DENND1B: variants seen among roughly 807,000 people sequenced by gnomAD.
The protein encoded by DENND1B is DENN domain containing 1B.
Under a neutral mutation model 90.1 loss-of-function variants are expected in DENND1B, and 59 were observed. The ratio of observed to expected loss-of-function variants is 0.65; its 90% CI spans 0.53 to 0.81. The LOEUF is 0.81. DENND1B is among the 40% of genes least tolerant of loss of function. DENND1B has a pLI of 0.00. For synonymous variants in DENND1B, 337 were observed against 324.6 expected, an observed-to-expected ratio of 1.04 and a Z score of -0.41; for missense variants, 862 against 912.6, an observed-to-expected ratio of 0.94 and a Z score of 0.71.
At chr1:197,614,448 T>G (rs1297453427) in intron 11 of DENND1B, among the ~76,000 whole-genome samples, 1 of 151,058 alleles carries the variant, frequency 6.6e-6, no homozygotes. Context: ...TTTGCAAACC[T>G]AGCCTTAAAT....
At chr1:197,571,176 C>A (rs955021079) in intron 15 of DENND1B, among the ~76,000 whole-genome samples, 2 of 152,220 alleles carry the variant, frequency 1.3e-5, no homozygotes, top group East Asian at 3.9e-4. Flanking sequence ...TTTGCCACCT[C>A]TCTCTCCTCT....
chr1:197,674,428 C>T (rs779720539), intron 3 of DENND1B, among the ~76,000 whole-genome samples: 31 of 152,158 alleles, frequency 2.0e-4, no homozygotes, highest in Non-Finnish European at 3.5e-4. Flanking sequence ...TTCACATCCC[C>T]GCTGGGATTC....
At chr1:197,631,328 G>T (rs908190367) in intron 10 of DENND1B, among the ~76,000 whole-genome samples, 1 of 152,000 alleles carries the variant, frequency 6.6e-6, no homozygotes, top group Non-Finnish European at 1.5e-5. Flanking sequence ...AATCATTCTT[G>T]TTCAATTTCT....
At chr1:197,572,864 C>T (rs1673301938) in intron 15 of DENND1B, among the ~76,000 whole-genome samples, 1 of 152,236 alleles carries the variant, frequency 6.6e-6, no homozygotes, top group South Asian at 2.1e-4. Flanking sequence ...CAGAAAGGAA[C>T]AGCATCAACA....
chr1:197,609,984 A>G (rs1452316457), intron 12 of DENND1B, among the ~76,000 whole-genome samples: 1 of 150,672 alleles, frequency 6.6e-6, no homozygotes, highest in Admixed American at 6.6e-5. Context: ...AAATCCGCCT[A>G]ATAGTGGCAT....
chr1:197,702,912 A>G (rs1411570099), intron 3 of DENND1B, among the ~76,000 whole-genome samples: 1 of 152,184 alleles, frequency 6.6e-6, no homozygotes, highest in Non-Finnish European at 1.5e-5. Flanking sequence ...ACAACTGAGT[A>G]TATACTTTTG....
Position 197,511,831 on chromosome 1 carries a change from A to G in DENND1B, c.1712T>C (p.Ile571Thr). The G allele has an allele frequency of 6.2e-7, 1 of 1,611,428 alleles. No homozygotes were observed. The highest frequency in any genetic ancestry group is 8.5e-7 in the Non-Finnish European group (1 of 1,178,318). Residue 571 changes from isoleucine (I) to threonine (T), a missense_variant, in exon 22 of 23, where the codon ATT (isoleucine) becomes ACT (threonine). Physicochemically the swap from Ile to Thr is moderately conservative, Grantham distance 89. Coordinates refer to ENST00000620048, the MANE Select transcript of DENND1B (RefSeq NM_001195215.2). The part of the protein sequence containing the change: ...YSGEMDLLGE[I>T]LDTLSTHSSD... Reference sequence around the variant, plus strand: ...GCTGTGTGTGCTCAATGTATCAAGAATCTCTCCTAGTAAGTCCATTTCACC... The same window carrying G: ...GCTGTGTGTGCTCAATGTATCAAGAGTCTCTCCTAGTAAGTCCATTTCACC...
intron 2 of DENND1B, among the ~76,000 whole-genome samples, chr1:197,768,499 C>T (rs935867928): frequency 1.6e-4 from 24 of 152,066 alleles, no homozygotes; most frequent in African/African-American, 5.1e-4. Context: ...TGAGGAGAGG[C>T]CATCACTGCT....
At chr1:197,635,980 A>C (rs1006079959) in intron 10 of DENND1B, among the ~76,000 whole-genome samples, 1 of 151,996 alleles carries the variant, frequency 6.6e-6, no homozygotes, top group African/African-American at 2.4e-5. Flanking sequence ...AGATTAAAAA[A>C]AAAAAAGAAA....
chr1:197,775,220 G>A lies in DENND1B; in HGVS notation c.-65C>T. The A allele has an allele frequency of 1.7e-6, 2 of 1,206,188 alleles. No individual in the cohort carries two copies. The highest frequency in any genetic ancestry group is 2.1e-6 in the Non-Finnish European group (2 of 956,966). The allele number at this position is 1,206,188 out of a possible 1,614,324, so 74.7% of individuals were successfully genotyped here. ...GCGCTGGCCTGGAAGCCCGCAGCCCGGCCGCGCGAGGGTCGCGCCGTCCCC... is the reference window on the plus strand; with the variant it reads ...GCGCTGGCCTGGAAGCCCGCAGCCCAGCCGCGCGAGGGTCGCGCCGTCCCC... On this transcript the variant is annotated 5_prime_UTR_variant, in exon 1 of 23. Coordinates refer to ENST00000620048, the MANE Select transcript of DENND1B (RefSeq NM_001195215.2).
intron 11 of DENND1B, among the ~76,000 whole-genome samples, chr1:197,614,525 C>G (rs759039419): frequency 1.3e-5 from 2 of 150,980 alleles, no homozygotes; most frequent in African/African-American, 4.8e-5. Flanking sequence ...GTTTTGTCCT[C>G]TATGTGAAAA....
chr1:197,604,161 C>CAATTT (rs1486390532), intron 13 of DENND1B, among the ~76,000 whole-genome samples: 2 of 145,720 alleles, frequency 1.4e-5, no homozygotes, highest in Non-Finnish European at 3.0e-5. Flanking sequence ...ATGTAATAAT[C>CAATTT]AATATCATTA....
At position 197,509,274 on chromosome 1, in the gene DENND1B, A is replaced by G. The variant is rs917411513; in HGVS notation, c.*1186T>C. ...ACTCTTCAAAGCTGTCAATGTCATC[A>G]AAAATAAGGAAAGTCTAAGAAACTG... On this transcript the variant is annotated 3_prime_UTR_variant, in exon 23 of 23. Transcript: ENST00000620048. 1 of 151,874 alleles carries G rather than the reference A, an allele frequency of 6.6e-6. No individual in the cohort carries two copies. Among genetic ancestry groups the G allele is most frequent in the Non-Finnish European group, 1.5e-5 (1 of 67,922 alleles). The allele number at this position is 151,874 out of a possible 1,614,324, so 9.4% of individuals were successfully genotyped here. A position where few individuals can be genotyped will look rare whatever the true frequency, so the allele number is the denominator to read the frequency against.
intron 3 of DENND1B, among the ~76,000 whole-genome samples, chr1:197,683,704 C>T (rs1197119663): frequency 6.6e-6 from 1 of 152,108 alleles, no homozygotes; most frequent in African/African-American, 2.4e-5. Context: ...CATCAATAAG[C>T]AACTTTATTA....
chr1:197,621,447 ATAAAC>A (rs1387660825), intron 10 of DENND1B, among the ~76,000 whole-genome samples: 1 of 151,426 alleles, frequency 6.6e-6, no homozygotes, highest in Non-Finnish European at 1.5e-5. Context: ...TTAAAGGAAA[ATAAAC>A]TACATATTTT....
At chr1:197,616,256 C>T (rs1055006851) in intron 11 of DENND1B, among the ~76,000 whole-genome samples, 33 of 150,896 alleles carry the variant, frequency 2.2e-4, no homozygotes, top group African/African-American at 7.5e-4. Flanking sequence ...AATTACTGAA[C>T]AGTATATACA....
intron 15 of DENND1B, among the ~76,000 whole-genome samples, chr1:197,568,700 T>A (rs1345097760): frequency 6.6e-6 from 1 of 152,038 alleles, no homozygotes; most frequent in African/African-American, 2.4e-5. Context: ...AATCCATACA[T>A]TTCCCATCAA....
At chr1:197,729,551 A>C (rs1248018254) in intron 2 of DENND1B, among the ~76,000 whole-genome samples, 2 of 152,190 alleles carry the variant, frequency 1.3e-5, no homozygotes, top group Non-Finnish European at 2.9e-5. Context: ...GATAACAAGC[A>C]AATGAGCAGA....
At chr1:197,622,234 T>C (rs1236718397) in intron 10 of DENND1B, among the ~76,000 whole-genome samples, 1 of 151,366 alleles carries the variant, frequency 6.6e-6, no homozygotes, top group Non-Finnish European at 1.5e-5. Flanking sequence ...CCAAGAACTG[T>C]TATGAGTACT....
Sources: allele counts gnomAD v4.1 joint callset (sites outside exome capture counted in the v4.1 genomes callset), GRCh38; gene constraint gnomAD v4.1.1; transcripts MANE v1.5; gene names NCBI Gene and HGNC (gene_info 2026-07-23, HGNC 2026-07-21).